Variants in FLACC1 observed in about 807,000 individuals in gnomAD.
FLACC1 encodes the protein flagellum associated containing coiled-coil domains 1.
In FLACC1, 66 loss-of-function variants were observed where a neutral mutation model predicts 62.8. The ratio of observed to expected loss-of-function variants is 1.05; its 90% confidence interval spans 0.86 to 1.29. The LOEUF is 1.29. FLACC1 is among the 50% of genes most tolerant of loss of function. The pLI is 0.00. For synonymous variants in FLACC1, 156 were observed against 161.0 expected (o/e 0.97, Z 0.24); for missense variants, 452 against 489.1 (o/e 0.92, Z 0.71).
At chr2:201,315,091 C>T (rs1950284703) in intron 9 of FLACC1, among the ~76,000 whole-genome samples, 1 of 151,952 alleles carries the variant, frequency 6.6e-6, no homozygotes, top group Non-Finnish European at 1.5e-5. Flanking sequence ...CTCTTTAAAG[C>T]ATAAATCTCA....
At position 201,351,429 on chromosome 2, in the gene FLACC1, G is replaced by A. The variant is rs749199247; in HGVS notation, c.-25C>T. ...TGGCCAAAGGTCAGGGGGAGTCTTG[G>A]CTGCTAGATCAGGAGGCTCTTGCTG... On this transcript the variant is annotated 5_prime_UTR_variant, in exon 2 of 15. Coordinates refer to ENST00000392257, the MANE Select transcript of FLACC1 (RefSeq NM_001127391.3). 1.3e-6 allele frequency: 2 copies of A among 1,550,008 alleles called. No individual in the cohort carries two copies. The highest frequency in any genetic ancestry group is 3.4e-5 in the Admixed American group (2 of 59,550).
chr2:201,299,204 T>C, intron 12 of FLACC1, 34 bp downstream of exon 12: 2 of 1,572,744 alleles, frequency 1.3e-6, no homozygotes, highest in Non-Finnish European at 1.7e-6. Flanking sequence ...ATTTGTAATA[T>C]ACCAAGTCCA....
At chr2:201,339,066 C>CTTTTTTTTTTTTTTTTTTTTTT (rs1559414089) in intron 7 of FLACC1, among the ~76,000 whole-genome samples, 8 of 151,860 alleles carry the variant, frequency 5.3e-5, no homozygotes, top group African/African-American at 1.5e-4. Flanking sequence ...TGTTGGGAGA[C>CTTTTTTTTTTTTTTTTTTTTTT]TTTTTATTAC....
rs1015569028 is a variant in FLACC1 at position 201,289,466 on chromosome 2, A to G, written c.1133T>C (p.Ile378Thr). ...HTIQILTEEN[I>T]HLKQKIISKN... ...TCAGCAGCAGCCGCACTTCAGATGA[A>G]TGTTCTCTTCCGTCAGGATCTGTAT... The change falls in exon 14 of 15, where the codon ATT becomes ACT. Residue 378 changes from isoleucine (I) to threonine (T), a missense_variant. Physicochemically the swap from Ile to Thr is moderately conservative, Grantham distance 89 (BLOSUM62 -1). This residue lies in a region of FLACC1 where 301 missense variants were observed against 318.4 expected (regional missense o/e 0.95). Coordinates refer to ENST00000392257, the MANE Select transcript of FLACC1 (RefSeq NM_001127391.3). 6 of 1,614,092 alleles carry G rather than the reference A, an allele frequency of 3.7e-6. No individual in the cohort carries two copies. Among genetic ancestry groups the G allele is most frequent in the South Asian group, 1.1e-5 (1 of 91,078 alleles).
chr2:201,306,387 T>A (rs1229764316), intron 11 of FLACC1, among the ~76,000 whole-genome samples: 1 of 152,034 alleles, frequency 6.6e-6, no homozygotes, highest in Non-Finnish European at 1.5e-5. Flanking sequence ...GACATGAGAT[T>A]TGGGCAGGGA....
chr2:201,296,135 C>T (rs1256416789), intron 12 of FLACC1, among the ~76,000 whole-genome samples: 6 of 152,282 alleles, frequency 3.9e-5, no homozygotes, highest in African/African-American at 1.4e-4. Context: ...CTAGAAATCC[C>T]ATTTGGCCCA....
chr2:201,311,566 T>C (rs1950218010), intron 9 of FLACC1, among the ~76,000 whole-genome samples: 1 of 151,752 alleles, frequency 6.6e-6, no homozygotes, highest in Non-Finnish European at 1.5e-5. Context: ...AATAAAAAAT[T>C]AGCTAGGTGT....
chr2:201,307,435 C>G (rs943794273), intron 11 of FLACC1, 84 bp downstream of exon 11: 2 of 980,800 alleles, frequency 2.0e-6, no homozygotes, highest in Admixed American at 4.0e-5. Flanking sequence ...AAAAAGATCA[C>G]CTAATTATGG....
chr2:201,341,224 C>T (rs1229121921), intron 7 of FLACC1, among the ~76,000 whole-genome samples: 1 of 152,066 alleles, frequency 6.6e-6, no homozygotes, highest in African/African-American at 2.4e-5. Context: ...GGCTATGACT[C>T]AACTAAGAGT....
chr2:201,306,332 C>G (rs765150569), intron 11 of FLACC1, among the ~76,000 whole-genome samples: 1 of 152,160 alleles, frequency 6.6e-6, no homozygotes, highest in Non-Finnish European at 1.5e-5. Flanking sequence ...ATCATCCAAT[C>G]ACCTCCCACC....
chr2:201,339,606 T>A (rs544791309), intron 7 of FLACC1, among the ~76,000 whole-genome samples: 1 of 151,480 alleles, frequency 6.6e-6, no homozygotes, highest in Admixed American at 6.6e-5. Context: ...TGTATTTCAA[T>A]TTTTTTTTGT....
intron 5 of FLACC1, 21 bp from the exon 6 acceptor site, chr2:201,344,284 C>T: frequency 6.3e-7 from 1 of 1,577,102 alleles, no homozygotes; most frequent in Middle Eastern, 1.7e-4. Flanking sequence ...AGTAATTCTT[C>T]TATCATCCAC....
intron 12 of FLACC1, among the ~76,000 whole-genome samples, chr2:201,293,527 G>C (rs1352751924): frequency 6.6e-6 from 1 of 152,198 alleles, no homozygotes; most frequent in African/African-American, 2.4e-5. Context: ...AAAGCAGTGT[G>C]TAGGGGAAAT....
chr2:201,289,741 T>C lies in FLACC1; in HGVS notation c.987A>G (p.Ser329=). ...GGGTATAGTAGAGGTTTGTGTTCAG[T>C]GACTCTAGGATAAGGGCTTGTGCAT... The part of the protein sequence containing the change: ...ELHAQALILE[S]LNTNLYYTQL... Residue 329 remains serine, a synonymous_variant, in exon 13 of 15, where the codon TCA becomes TCG. Coordinates refer to ENST00000392257, the MANE Select transcript of FLACC1 (RefSeq NM_001127391.3). The C allele has an allele frequency of 1.9e-6, 3 of 1,614,172 alleles. No homozygotes were observed. Among genetic ancestry groups the C allele is most frequent in the Non-Finnish European group, 2.5e-6 (3 of 1,180,024 alleles).
chr2:201,300,860 G>A (rs915228436), intron 11 of FLACC1, among the ~76,000 whole-genome samples: 7 of 152,188 alleles, frequency 4.6e-5, no homozygotes, highest in Non-Finnish European at 7.3e-5. Context: ...GCAGCTGAGG[G>A]TCCTGACTGT....
chr2:201,345,490 G>A (rs201833203), intron 5 of FLACC1, among the ~76,000 whole-genome samples: 6 of 148,026 alleles, frequency 4.1e-5, no homozygotes, highest in Non-Finnish European at 7.6e-5. Context: ...GTGTGTATGT[G>A]TGTGTGTGTT....
intron 7 of FLACC1, among the ~76,000 whole-genome samples, chr2:201,339,304 G>A (rs1414872448): frequency 6.6e-6 from 1 of 151,770 alleles, no homozygotes; most frequent in East Asian, 1.9e-4. Flanking sequence ...GTCTTCTCTT[G>A]TCTTTTTTTG....
At chr2:201,313,095 C>A (rs1190627719) in intron 9 of FLACC1, among the ~76,000 whole-genome samples, 2 of 152,212 alleles carry the variant, frequency 1.3e-5, no homozygotes, top group African/African-American at 4.8e-5. Context: ...CCATTTCTGA[C>A]TTGTCTCACA....
intron 9 of FLACC1, among the ~76,000 whole-genome samples, chr2:201,313,229 G>A (rs1266799146): frequency 1.3e-5 from 2 of 152,150 alleles, no homozygotes; most frequent in Non-Finnish European, 2.9e-5. Context: ...TTGGGGGAAG[G>A]CATGAATCTG....
Sources: gnomAD v4.1 joint callset for allele counts (sites outside exome capture counted in the v4.1 genomes callset) on GRCh38, gnomAD v4.1.1 for gene constraint, gnomAD v4.1.1 regional missense constraint, MANE v1.5 for transcripts, NCBI Gene and HGNC (gene_info 2026-07-23, HGNC 2026-07-21) for gene names.